The following UAP1 variants were observed in gnomAD, a reference collection of about 807,000 sequenced individuals.
UAP1 encodes UDP-N-acetylhexosamine pyrophosphorylase.
A neutral mutation model predicts 58.5 loss-of-function variants in UAP1; 25 were observed. That is an observed-to-expected ratio of 0.43 (90% CI 0.31 to 0.60). UAP1 has a LOEUF of 0.60. UAP1 is among the 20% of genes least tolerant of loss of function. UAP1 has a pLI of 0.11. For synonymous variants in UAP1, 208 were observed against 213.0 expected, an observed-to-expected ratio of 0.98 and a Z score of 0.21; for missense variants, 575 against 630.0, an observed-to-expected ratio of 0.91 and a Z score of 0.93.
In UAP1 at chr1:162,596,005, C is replaced by T. The variant is rs543568193; in HGVS notation, c.1410-1787C>T. The stretch of plus-strand genomic sequence containing the variant: ...TAGCTGGGATTACAGATGCTCGCCT[C>T]CAAGCCCAGCTAATTTTTTGTATTG... On this transcript the variant is annotated intron_variant, in intron 9 of 10. Transcript: ENST00000271469. 3.4e-4 allele frequency among the ~76,000 whole-genome samples: 51 copies of T among 151,890 alleles called. 1 individual carries two copies. Among genetic ancestry groups the T allele is most frequent in the Admixed American group, 6.6e-4 (10 of 15,240 alleles).
At chr1:162,581,532 C>A in intron 5 of UAP1, 73 bp downstream of exon 5, 2 of 1,430,564 alleles carry the variant, frequency 1.4e-6, no homozygotes, top group Non-Finnish European at 1.9e-6. Flanking sequence ...AGAAGTCAAA[C>A]CAAGTTTATT....
chr1:162,597,624 A>T lies in UAP1; in HGVS notation c.1410-168A>T, dbSNP rs1411880247. The T allele has an allele frequency of 5.5e-6, 3 of 548,438 alleles. No homozygotes were observed. The Admixed American group carries it at 1.1e-4, about 19-fold the overall frequency. The allele number at this position is 548,438 out of a possible 1,614,324, so 34.0% of individuals were successfully genotyped here. A position where few individuals can be genotyped will look rare whatever the true frequency, so the allele number is the denominator to read the frequency against. On this transcript the variant is annotated intron_variant, in intron 9 of 10. Coordinates refer to ENST00000271469, the Ensembl canonical transcript of UAP1. ...CCTTCTGACCTGAGAATTTCATATT[A>T]ACTTAATCCTCAGGGAATTTAGTGA...
At chr1:162,570,466 C>CT (rs907803128) in intron 2 of UAP1, among the ~76,000 whole-genome samples, 8 of 151,994 alleles carry the variant, frequency 5.3e-5, no homozygotes, top group Non-Finnish European at 1.0e-4. Flanking sequence ...CTCTCTCCCT[C>CT]TTTTTTTTCC....
intron 2 of UAP1, among the ~76,000 whole-genome samples, chr1:162,575,379 G>A (rs1309792822): frequency 2.6e-5 from 4 of 152,206 alleles, no homozygotes; most frequent in East Asian, 1.9e-4. Context: ...TACAAAAGGC[G>A]TTTTAATAAA....
At chr1:162,580,334 C>T (rs754790621) in intron 4 of UAP1, among the ~76,000 whole-genome samples, 1 of 152,138 alleles carries the variant, frequency 6.6e-6, no homozygotes, top group East Asian at 1.9e-4. Context: ...AAATTCTAAA[C>T]ATTATTTCAG....
In UAP1 at chr1:162,599,252, A is replaced by G; in HGVS notation, c.1477-19A>G. On this transcript the variant is annotated intron_variant, in intron 10 of 10. Coordinates refer to ENST00000271469, the Ensembl canonical transcript of UAP1. Reference sequence around the variant, plus strand: ...AGTGCAAATTTTCTAATTGTGTTTCATTTCAATCCTCTTTTTAGGGATTAG... The same window carrying G: ...AGTGCAAATTTTCTAATTGTGTTTCGTTTCAATCCTCTTTTTAGGGATTAG... 6.4e-7 allele frequency: 1 copy of G among 1,573,894 alleles called. No individual in the cohort carries two copies. The highest frequency in any genetic ancestry group is 8.7e-7 in the Non-Finnish European group (1 of 1,145,210).
rs1655262900 is a variant in UAP1 at position 162,590,880 on chromosome 1, A to G, written c.1358+369A>G. ...ACCACAGGGCAAGTCCTTCAGCCACAGAGGATTGTTTGTTGTTGCCCATAT... is the reference window on the plus strand; with the variant it reads ...ACCACAGGGCAAGTCCTTCAGCCACGGAGGATTGTTTGTTGTTGCCCATAT... On this transcript the variant is annotated intron_variant, in intron 8 of 10. Transcript: ENST00000271469. 2.6e-5 allele frequency among the ~76,000 whole-genome samples: 4 copies of G among 151,226 alleles called. No individual in the cohort carries two copies. In the South Asian group the frequency reaches 6.3e-4, roughly 24 times the overall value.
exon 4 of UAP1, chr1:162,579,563 A>G (rs1334783805): frequency 6.2e-7 from 1 of 1,605,390 alleles, no homozygotes; most frequent in African/African-American, 1.3e-5. Context: ...TTGATGGGAA[A>G]ATTATTTTGG....
chr1:162,590,602 A>G (rs1655243675), intron 8 of UAP1, 91 bp downstream of exon 8: 1 of 1,152,580 alleles, frequency 8.7e-7, no homozygotes, highest in South Asian at 2.0e-5. Flanking sequence ...GTATTCCTAG[A>G]TCTTTTTTAA....
intron 9 of UAP1, chr1:162,593,730 A>G (rs1437142011): frequency 5.9e-5 from 9 of 151,846 alleles, no homozygotes; most frequent in Non-Finnish European, 1.0e-4. Context: ...CCTTGGTGAC[A>G]GAGCAAGACT....
intron 8 of UAP1, among the ~76,000 whole-genome samples, chr1:162,591,815 T>A (rs997391536): frequency 3.4e-5 from 5 of 148,264 alleles, no homozygotes; most frequent in African/African-American, 7.5e-5. Flanking sequence ...GACAAGGTCT[T>A]GCTCTGTCAC....
intron 2 of UAP1, among the ~76,000 whole-genome samples, chr1:162,574,522 A>G (rs1273919463): frequency 6.6e-6 from 1 of 152,222 alleles, no homozygotes; most frequent in African/African-American, 2.4e-5. Context: ...AAAATAATTG[A>G]TAGTTGCCAT....
chr1:162,576,416 C>T (rs533951378), intron 2 of UAP1, among the ~76,000 whole-genome samples: 19 of 152,078 alleles, frequency 1.2e-4, no homozygotes, highest in African/African-American at 3.4e-4. Context: ...TAAAATGCAT[C>T]GTTCATTGTT....
intron 3 of UAP1, 88 bp from the exon 4 acceptor site, chr1:162,579,340 T>C (rs1208201270): frequency 1.0e-6 from 1 of 985,606 alleles, no homozygotes; most frequent in Non-Finnish European, 1.4e-6. Flanking sequence ...CTTTCAAAGA[T>C]ATCTTTAGCT....
chr1:162,589,627 T>A (rs1655178490), intron 7 of UAP1, among the ~76,000 whole-genome samples: 1 of 152,116 alleles, frequency 6.6e-6, no homozygotes, highest in Admixed American at 6.6e-5. Context: ...CATTTGATGT[T>A]GAGATGCTTG....
Position 162,584,442 on chromosome 1 carries a change from A to G in UAP1, c.834+2983A>G, listed in dbSNP as rs75885677. 2.3e-3 allele frequency among the ~76,000 whole-genome samples: 344 copies of G among 152,342 alleles called. 2 individuals are homozygous for G. The highest frequency in any genetic ancestry group is 8.0e-3 in the African/African-American group (332 of 41,578). ...AAGCACCTAAGTTAGGGGATGATTCATACTGTGGTAGTAGAATTATTTGCA... is the reference window on the plus strand; with the variant it reads ...AAGCACCTAAGTTAGGGGATGATTCGTACTGTGGTAGTAGAATTATTTGCA... On this transcript the variant is annotated intron_variant, in intron 5 of 10. Coordinates refer to ENST00000271469, the Ensembl canonical transcript of UAP1.
At chr1:162,574,095 T>C (rs1483528468) in intron 2 of UAP1, among the ~76,000 whole-genome samples, 1 of 146,204 alleles carries the variant, frequency 6.8e-6, no homozygotes, top group Non-Finnish European at 1.5e-5. Context: ...TTTCTTTTCT[T>C]TTTTTTTTTT....
At chr1:162,588,480 A>T (rs1046502905) in intron 6 of UAP1, among the ~76,000 whole-genome samples, 2 of 152,144 alleles carry the variant, frequency 1.3e-5, no homozygotes, top group Non-Finnish European at 2.9e-5. Flanking sequence ...ACACAGTTTT[A>T]GTGGAGACTG....
intron 4 of UAP1, among the ~76,000 whole-genome samples, chr1:162,581,064 C>T (rs2101788189): frequency 6.6e-6 from 1 of 152,300 alleles, no homozygotes; most frequent in Admixed American, 6.5e-5. Flanking sequence ...CCTGATCTTA[C>T]ATTGATAGTG....
Sources: gnomAD v4.1 joint callset for allele counts (sites outside exome capture counted in the v4.1 genomes callset) on GRCh38, gnomAD v4.1.1 for gene constraint, MANE v1.5 for transcripts, NCBI Gene and HGNC (gene_info 2026-07-23, HGNC 2026-07-21) for gene names.